TAF1: variants seen among roughly 807,000 people sequenced by gnomAD.
The protein encoded by TAF1 is transcription initiation factor TFIID subunit 1.
Under a neutral mutation model 138.5 loss-of-function variants are expected in TAF1, and 2 were observed. The ratio of observed to expected loss-of-function variants is 0.01; its 90% CI spans 0.01 to 0.05. The LOEUF is 0.05. TAF1 is among the 10% of genes least tolerant of loss of function. The pLI, the probability that TAF1 is intolerant of heterozygous loss-of-function variation, is 1.00. For missense variants in TAF1, 709 were observed against 1,478.0 expected (o/e 0.48, Z 8.53); for synonymous variants, 437 against 503.2 (o/e 0.87, Z 1.76).
intron 32 of TAF1, 107 bp downstream of exon 32, chrX:71,424,345 C>T: frequency 1.9e-6 from 1 of 537,894 alleles, no homozygotes; most frequent in Non-Finnish European, 2.8e-6. Flanking sequence ...ATCTTGCTCT[C>T]TTACCCAGGC....
intron 25 of TAF1, among the ~76,000 whole-genome samples, chrX:71,402,319 C>T (rs1381318762): frequency 8.9e-6 from 1 of 111,920 alleles, no homozygotes; most frequent in African/African-American, 3.2e-5. Context: ...GTTGGCCAGG[C>T]TGGACTCAAA....
chrX:71,392,813 T>G, intron 19 of TAF1, 62 bp from the exon 20 acceptor site: 1 of 1,202,305 alleles, frequency 8.3e-7, no homozygotes, highest in Non-Finnish European at 1.1e-6. Flanking sequence ...CAGAATGACT[T>G]AGATGCCTAC....
intron 32 of TAF1, among the ~76,000 whole-genome samples, chrX:71,440,600 G>A (rs985997716): frequency 2.8e-5 from 3 of 108,981 alleles, no homozygotes; most frequent in Non-Finnish European, 5.7e-5. Flanking sequence ...AAAACCCAAT[G>A]TCGTCACACT....
chrX:71,442,301 A>G (rs186198702), intron 32 of TAF1, among the ~76,000 whole-genome samples: 213 of 112,066 alleles, frequency 1.9e-3, no homozygotes, highest in Middle Eastern at 4.6e-3. Flanking sequence ...AAGTGTTCCT[A>G]TTTCTCCACA....
chrX:71,395,743 T>C (rs889833650), intron 22 of TAF1, among the ~76,000 whole-genome samples: 2 of 111,699 alleles, frequency 1.8e-5, no homozygotes, highest in African/African-American at 6.5e-5. Flanking sequence ...AAATGTGATA[T>C]AGCCCTTCCA....
At chrX:71,455,028 G>C in intron 34 of TAF1, 171 bp downstream of exon 34, 1 of 1,158,705 alleles carries the variant, frequency 8.6e-7, no homozygotes, top group Non-Finnish European at 1.1e-6. Flanking sequence ...TGAGGGCCAT[G>C]GGTCTTGGTG....
intron 13 of TAF1, among the ~76,000 whole-genome samples, chrX:71,526,931 G>T (rs2040007599): frequency 9.3e-6 from 1 of 107,619 alleles, no homozygotes; most frequent in South Asian, 4.1e-4. Context: ...AATTAGCTGG[G>T]TGTGGTGGCT....
At chrX:71,456,667 T>TTTTTTTTTTTTTTTTG in intron 34 of TAF1, among the ~76,000 whole-genome samples, 1 of 41,400 alleles carries the variant, frequency 2.4e-5, no homozygotes, top group African/African-American at 1.0e-4. Context: ...TTTTTTTTTT[T>TTTTTTTTTTTTTTTTG]TTTTTTTTTT....
At chrX:71,481,172 G>A (rs760956062) in intron 13 of TAF1, among the ~76,000 whole-genome samples, 24 of 111,472 alleles carry the variant, frequency 2.2e-4, no homozygotes, top group African/African-American at 6.2e-4. Flanking sequence ...CCAGCTACTC[G>A]GGAGGCTGAG....
At chrX:71,459,507 T>C (rs758523800) in intron 35 of TAF1, 45 bp from the exon 36 acceptor site, 9 of 1,197,649 alleles carry the variant, frequency 7.5e-6, no homozygotes, top group South Asian at 7.3e-5. Context: ...TGGTCTCTTA[T>C]GTGGTCAGTT....
chrX:71,403,822 G>A, intron 25 of TAF1, among the ~76,000 whole-genome samples: 1 of 106,395 alleles, frequency 9.4e-6, no homozygotes, highest in South Asian at 4.1e-4. Flanking sequence ...GAAATTTAAT[G>A]TTTTATAATT....
intron 4 of TAF1, among the ~76,000 whole-genome samples, chrX:71,376,036 TAG>T (rs1315017004): frequency 8.9e-6 from 1 of 112,253 alleles, no homozygotes. Context: ...CAAAGGCTAG[TAG>T]AGTCTTCAGT....
At position 71,460,721 on chromosome X, in the gene TAF1, G is replaced by A. The variant is rs2038514386; in HGVS notation, c.5317G>A (p.Asp1773Asn). The A allele has an allele frequency of 8.3e-7, 1 of 1,207,707 alleles. No individual in the cohort carries two copies. Among genetic ancestry groups the A allele is most frequent in the Non-Finnish European group, 1.1e-6 (1 of 893,979 alleles). Residue 1773 changes from aspartate to asparagine, a missense_variant, in exon 37 of 38, where the codon GAC becomes AAC. Physicochemically the swap from Asp to Asn is conservative, Grantham distance 23. Around this residue, in one of 14 missense-constraint regions of TAF1, gnomAD observed 123 missense variants for 174.7 expected, o/e 0.70. Coordinates refer to ENST00000423759, the MANE Select transcript of TAF1 (RefSeq NM_004606.5). ...PRMLQENTRM[D>N]MENEESMMSY... ...CATGCTTCAGGAGAACACAAGGATG[G>A]ACATGGAAAATGAAGAAAGCATGAT...
intron 37 of TAF1, among the ~76,000 whole-genome samples, chrX:71,463,512 A>G (rs1284105824): frequency 1.8e-5 from 2 of 111,479 alleles, no homozygotes; most frequent in African/African-American, 6.5e-5. Context: ...AGGACTATTG[A>G]CTAATTGGAT....
At chrX:71,483,803 T>TATACAC (rs1290090578) in intron 13 of TAF1, among the ~76,000 whole-genome samples, 5 of 92,892 alleles carry the variant, frequency 5.4e-5, no homozygotes, top group African/African-American at 2.1e-4. Context: ...TATATATATA[T>TATACAC]ACACACACAT....
At chrX:71,438,677 C>G (rs1214816255) in intron 32 of TAF1, among the ~76,000 whole-genome samples, 1 of 112,134 alleles carries the variant, frequency 8.9e-6, no homozygotes, top group East Asian at 2.8e-4. Flanking sequence ...TTCCTCACAA[C>G]AGTATTGTGA....
At chrX:71,402,022 C>T (rs927215076) in intron 25 of TAF1, among the ~76,000 whole-genome samples, 2 of 112,172 alleles carry the variant, frequency 1.8e-5, no homozygotes, top group Admixed American at 9.5e-5. Flanking sequence ...ATGAGACAGA[C>T]TACAAAGCAT....
chrX:71,377,537 C>T, intron 5 of TAF1, 66 bp from the exon 6 acceptor site: 1 of 1,137,143 alleles, frequency 8.8e-7, no homozygotes, highest in Non-Finnish European at 1.2e-6. Context: ...AGTTTTCAGG[C>T]CCAGATGCTG....
intron 30 of TAF1, 68 bp downstream of exon 30, chrX:71,423,307 A>C (rs1046832528): frequency 7.6e-6 from 9 of 1,188,623 alleles, no homozygotes; most frequent in African/African-American, 5.3e-5. Context: ...TAGGGTGTAC[A>C]CGTGTGTGTA....
Sources: gnomAD v4.1 joint callset for allele counts (sites outside exome capture counted in the v4.1 genomes callset) on GRCh38, gnomAD v4.1.1 for gene constraint, gnomAD v4.1.1 regional missense constraint, MANE v1.5 for transcripts, NCBI Gene and HGNC (gene_info 2026-07-23, HGNC 2026-07-21) for gene names.